ARHGAP15: variants seen among roughly 807,000 people sequenced by gnomAD.
ARHGAP15 encodes the protein rho GTPase-activating protein 15.
In ARHGAP15, 51 loss-of-function variants were observed where a neutral mutation model predicts 63.7. That is an observed-to-expected ratio of 0.80 (90% CI 0.64 to 1.01). The LOEUF (loss-of-function observed/expected upper bound fraction) is 1.01. ARHGAP15 is among the 50% of genes least tolerant of loss of function. ARHGAP15 has a pLI of 0.00. For synonymous variants in ARHGAP15, 191 were observed against 193.8 expected (o/e 0.99, Z 0.12); for missense variants, 560 against 564.6 (o/e 0.99, Z 0.08).
rs114643579 is a variant in ARHGAP15 at position 143,142,058 on chromosome 2, A to G, written c.-15+12592A>G. On this transcript the variant is annotated intron_variant, in intron 1 of 13. Transcript: ENST00000295095. ...AGTTTGCCACATTTTATGAATTTTC[A>G]AGAGAAGACATATAGACATACTTTT... 3.9e-3 allele frequency among the ~76,000 whole-genome samples: 596 copies of G among 152,264 alleles called. 5 individuals are homozygous for G. Among genetic ancestry groups the G allele is most frequent in the African/African-American group, 0.013 (544 of 41,556 alleles).
At chr2:143,233,094 C>A (rs921294407) in intron 5 of ARHGAP15, among the ~76,000 whole-genome samples, 6 of 152,142 alleles carry the variant, frequency 3.9e-5, no homozygotes, top group Non-Finnish European at 8.8e-5. Context: ...TTATTACCAT[C>A]TGGTGTTTTA....
intron 8 of ARHGAP15, among the ~76,000 whole-genome samples, chr2:143,476,136 T>G (rs1157585527): frequency 6.6e-6 from 1 of 152,142 alleles, no homozygotes; most frequent in East Asian, 1.9e-4. Flanking sequence ...ACAGTAAACT[T>G]GGGGTTTCTT....
At chr2:143,365,331 G>A (rs1686250105) in intron 6 of ARHGAP15, among the ~76,000 whole-genome samples, 1 of 152,198 alleles carries the variant, frequency 6.6e-6, no homozygotes, top group Non-Finnish European at 1.5e-5. Flanking sequence ...TTCAGCAAAT[G>A]CTTTGGCACA....
chr2:143,386,789 T>C (rs750232521), intron 6 of ARHGAP15, among the ~76,000 whole-genome samples: 37 of 152,300 alleles, frequency 2.4e-4, no homozygotes, highest in East Asian at 1.3e-3. Context: ...CAAATAGTTA[T>C]AAAACATTAA....
intron 10 of ARHGAP15, among the ~76,000 whole-genome samples, chr2:143,549,526 CAG>C (rs1695469659): frequency 6.6e-6 from 1 of 152,072 alleles, no homozygotes; most frequent in African/African-American, 2.4e-5. Context: ...ACAAAAAGAA[CAG>C]AAATTGTCAA....
intron 1 of ARHGAP15, among the ~76,000 whole-genome samples, chr2:143,143,643 T>C (rs1487665932): frequency 6.9e-6 from 1 of 145,694 alleles, no homozygotes; most frequent in African/African-American, 2.5e-5. Context: ...GAACAAGAAA[T>C]AGAAAACCAT....
intron 2 of ARHGAP15, among the ~76,000 whole-genome samples, chr2:143,160,332 T>A (rs988162335): frequency 3.2e-4 from 49 of 151,994 alleles, no homozygotes; most frequent in Admixed American, 2.9e-3. Context: ...GACAGTGTTT[T>A]GTTCCTAATC....
intron 8 of ARHGAP15, among the ~76,000 whole-genome samples, chr2:143,461,183 G>A (rs1350793709): frequency 1.3e-5 from 2 of 149,962 alleles, no homozygotes; most frequent in African/African-American, 2.4e-5. Flanking sequence ...CCAGCTACTC[G>A]GGATGCTGAG....
At chr2:143,236,649 T>G (rs964767389) in intron 5 of ARHGAP15, 1 of 152,260 alleles carries the variant, frequency 6.6e-6, no homozygotes, top group African/African-American at 2.4e-5. Context: ...TGAAATATAT[T>G]CATGGAGGAA....
intron 6 of ARHGAP15, among the ~76,000 whole-genome samples, chr2:143,286,641 A>T (rs926153802): frequency 6.6e-6 from 1 of 152,214 alleles, no homozygotes; most frequent in African/African-American, 2.4e-5. Context: ...GAAAATAGAG[A>T]AAAAGAGAAT....
chr2:143,444,938 T>A (rs553385756), intron 8 of ARHGAP15, among the ~76,000 whole-genome samples: 1 of 152,134 alleles, frequency 6.6e-6, no homozygotes, highest in African/African-American at 2.4e-5. Context: ...AATACATCTT[T>A]CTTTGGTTAT....
At chr2:143,362,472 G>T (rs1261652969) in intron 6 of ARHGAP15, among the ~76,000 whole-genome samples, 2 of 152,094 alleles carry the variant, frequency 1.3e-5, no homozygotes, top group African/African-American at 4.8e-5. Context: ...GATTCCCAGG[G>T]ATTGATCTTC....
At chr2:143,156,190 G>A (rs772606148) in intron 2 of ARHGAP15, among the ~76,000 whole-genome samples, 12 of 151,804 alleles carry the variant, frequency 7.9e-5, no homozygotes, top group South Asian at 2.1e-4. Flanking sequence ...ATTTTGTCTC[G>A]ATAATGTGTC....
intron 13 of ARHGAP15, among the ~76,000 whole-genome samples, chr2:143,708,051 C>T (rs1380073587): frequency 6.6e-6 from 1 of 152,138 alleles, no homozygotes; most frequent in African/African-American, 2.4e-5. Flanking sequence ...AACAAAGAAA[C>T]CAGGCTTTGG....
intron 12 of ARHGAP15, among the ~76,000 whole-genome samples, chr2:143,684,950 G>A (rs1191345416): frequency 2.6e-5 from 4 of 152,206 alleles, no homozygotes; most frequent in Non-Finnish European, 5.9e-5. Context: ...AATGAATGGT[G>A]TCCTTTGTGC....
In ARHGAP15 at chr2:143,703,444, T is replaced by G. The variant is rs1215210140; in HGVS notation, c.1164T>G (p.Ile388Met). 9 of 1,611,082 alleles carry G rather than the reference T, an allele frequency of 5.6e-6. No individual in the cohort carries two copies. Among genetic ancestry groups the G allele is most frequent in the Admixed American group, 5.0e-5 (3 of 59,554 alleles). The stretch of plus-strand genomic sequence containing the variant: ...AAAAGCAAGACAACAACACAAGAAT[T>G]GAAGCTGTAAAATCTCTTGTACAAA... ...AIKKQDNNTR[I>M]EAVKSLVQKL... is the part of the protein sequence containing the mutation. The change falls in exon 13 of 14, where the codon ATT (isoleucine) becomes ATG (methionine). Residue 388 changes from isoleucine to methionine, a missense_variant. Ile to Met is a conservative substitution (Grantham distance 10, BLOSUM62 1). Transcript: ENST00000295095.
chr2:143,386,219 G>C (rs1429163807), intron 6 of ARHGAP15, among the ~76,000 whole-genome samples: 1 of 152,034 alleles, frequency 6.6e-6, no homozygotes, highest in African/African-American at 2.4e-5. Context: ...TCTCAGGTTG[G>C]ATGTTATAAA....
At chr2:143,454,314 C>T (rs530734253) in intron 8 of ARHGAP15, among the ~76,000 whole-genome samples, 1 of 152,124 alleles carries the variant, frequency 6.6e-6, no homozygotes, top group Non-Finnish European at 1.5e-5. Context: ...GTGAATCATA[C>T]AGATACCTTT....
intron 12 of ARHGAP15, among the ~76,000 whole-genome samples, chr2:143,626,398 C>T (rs950922797): frequency 3.3e-5 from 5 of 152,020 alleles, no homozygotes; most frequent in South Asian, 2.1e-4. Flanking sequence ...TGGTTCCTGC[C>T]GGTGGGTTCG....
Sources: gnomAD v4.1 joint callset for allele counts (sites outside exome capture counted in the v4.1 genomes callset) on GRCh38, gnomAD v4.1.1 for gene constraint, MANE v1.5 for transcripts, NCBI Gene and HGNC (gene_info 2026-07-23, HGNC 2026-07-21) for gene names.